WDR33: variants seen among roughly 807,000 people sequenced by gnomAD.
The protein encoded by WDR33 is WD repeat domain 33, also known as pre-mRNA 3' end processing protein WDR33.
Under a neutral mutation model 164.9 loss-of-function variants are expected in WDR33, and 47 were observed. That is an observed-to-expected ratio of 0.29 (90% CI 0.23 to 0.36). The LOEUF (loss-of-function observed/expected upper bound fraction) is 0.36, where lower values mean the gene tolerates loss of function less well. WDR33 is among the 10% of genes least tolerant of loss of function. The pLI is 1.00. For missense variants in WDR33, 1,137 were observed against 1,754.1 expected, an observed-to-expected ratio of 0.65 and a Z score of 6.28; for synonymous variants, 505 against 589.0, an observed-to-expected ratio of 0.86 and a Z score of 2.06.
rs562353425 is a variant in WDR33 at position 127,794,813 on chromosome 2, G to A, written c.-24+16199C>T. 8.5e-5 allele frequency among the ~76,000 whole-genome samples: 11 copies of A among 129,130 alleles called. No individual in the cohort carries two copies. In the East Asian group the frequency reaches 1.6e-3, roughly 19 times the overall value. The allele number at this position is 129,130 out of a possible 152,430, so 84.7% of individuals were successfully genotyped here. ...CATGCCACTGCACCCCAGCCTGGGC[G>A]ACAAAGCGAGACTCCGTTTCAAAAA... On this transcript the variant is annotated intron_variant, in intron 1 of 21. Coordinates refer to ENST00000322313, the MANE Select transcript of WDR33 (RefSeq NM_018383.5).
At position 127,738,658 on chromosome 2, in the gene WDR33, T is replaced by G. The variant is rs1474003694; in HGVS notation, c.725-11881A>C. Among the ~76,000 whole-genome samples, 3 of 152,122 alleles carry G rather than the reference T, an allele frequency of 2.0e-5. No individual in the cohort carries two copies. The highest frequency in any genetic ancestry group is 2.9e-5 in the Non-Finnish European group (2 of 68,016). On this transcript the variant is annotated intron_variant, in intron 7 of 21. Coordinates refer to ENST00000322313, the MANE Select transcript of WDR33 (RefSeq NM_018383.5). This position sits in a 1 kb window ranked among gnomAD's most constrained non-coding sequence, Gnocchi z 4.4. ...TGGCACTTTACCTGTGTGATCTTCCTCTCAAAAACCGACAATTCCCTGTCT... is the reference window on the plus strand; with the variant it reads ...TGGCACTTTACCTGTGTGATCTTCCGCTCAAAAACCGACAATTCCCTGTCT...
At chr2:127,752,765 T>C (rs903807145) in intron 7 of WDR33, among the ~76,000 whole-genome samples, 9 of 152,102 alleles carry the variant, frequency 5.9e-5, no homozygotes, top group Non-Finnish European at 1.2e-4. Flanking sequence ...ACTAGGAAAA[T>C]GTTGGACATG....
At chr2:127,788,429 C>T (rs1382690202) in intron 1 of WDR33, among the ~76,000 whole-genome samples, 1 of 130,200 alleles carries the variant, frequency 7.7e-6, no homozygotes, top group Non-Finnish European at 1.7e-5. Context: ...AGGGCTGACC[C>T]CCCCCACCTC....
intron 1 of WDR33, among the ~76,000 whole-genome samples, chr2:127,774,960 G>A (rs1458432809): frequency 6.6e-6 from 1 of 152,198 alleles, no homozygotes; most frequent in East Asian, 1.9e-4. Context: ...TAAAAGATTA[G>A]TGTTTGCCAC....
intron 7 of WDR33, among the ~76,000 whole-genome samples, chr2:127,761,165 T>C (rs1185990313): frequency 6.6e-6 from 1 of 152,200 alleles, no homozygotes; most frequent in East Asian, 1.9e-4. Flanking sequence ...CTTCAGTTAA[T>C]ACAGTCCACT....
intron 3 of WDR33, among the ~76,000 whole-genome samples, 198 bp from the exon 4 acceptor site, chr2:127,768,491 C>A (rs1175070989): frequency 6.6e-6 from 1 of 152,034 alleles, no homozygotes. Flanking sequence ...AAGTTAAATA[C>A]CCATTATTAC....
intron 1 of WDR33, among the ~76,000 whole-genome samples, chr2:127,801,779 G>A (rs1217735746): frequency 2.6e-5 from 4 of 152,144 alleles, no homozygotes; most frequent in Admixed American, 2.6e-4. Flanking sequence ...AGCTACTCGG[G>A]AGACTGAGGC....
chr2:127,731,438 T>C (rs1686706088), intron 7 of WDR33, among the ~76,000 whole-genome samples: 1 of 152,178 alleles, frequency 6.6e-6, no homozygotes, highest in South Asian at 2.1e-4. Context: ...CAAGGCCATA[T>C]GGCCATTATC....
chr2:127,705,511 T>C lies in WDR33; in HGVS notation c.*812A>G, dbSNP rs1210838319. On this transcript the variant is annotated 3_prime_UTR_variant, in exon 22 of 22. Transcript: ENST00000322313. The surrounding 1 kb of genome is among the most constrained non-coding windows in gnomAD (Gnocchi z 4.5). ...GTGATTTCAAGTTATCTAAAGGGCATGTGACTTTATTTCTGACTAACATCA... is the reference window on the plus strand; with the variant it reads ...GTGATTTCAAGTTATCTAAAGGGCACGTGACTTTATTTCTGACTAACATCA... The C allele has an allele frequency of 6.6e-6, 1 of 152,238 alleles. No homozygotes were observed. The highest frequency in any genetic ancestry group is 1.5e-5 in the Non-Finnish European group (1 of 68,038). 9.4% of individuals were successfully genotyped at this position (152,238 alleles called of 1,614,324 possible).
rs756960072 is a variant in WDR33 at position 127,720,033 on chromosome 2, CCCCTGGGGCGGG to C, written c.1980_1991del (p.Pro661_Gly664del). ...CATGCATGTCCTGAGGCCGTGGCAA[CCCCTGGGGCGGG>C]CCCTGGGGCCCCTGTGGTCCCATGA... On this transcript the variant is annotated inframe_deletion, in exon 16 of 22. Transcript: ENST00000322313. The surrounding 1 kb of genome is among the most constrained non-coding windows in gnomAD (Gnocchi z 5.9). 1.2e-6 allele frequency: 2 copies of C among 1,613,794 alleles called. No individual in the cohort carries two copies. The highest frequency in any genetic ancestry group is 1.7e-6 in the Non-Finnish European group (2 of 1,179,896).
intron 7 of WDR33, chr2:127,736,870 G>C (rs1033437220): frequency 6.1e-6 from 6 of 985,372 alleles, no homozygotes; most frequent in Non-Finnish European, 7.2e-6. Context: ...GTATAAACAG[G>C]AAAGTGCACA....
rs1328875766 is a variant in WDR33 at position 127,750,692 on chromosome 2, ATATATATATATATATATATATG to A, written c.724+12348_724+12369del. ...AAAAAAAAAAAATATATATATATAT[ATATATATATATATATATATATG>A]TATGTATGCATACATATATATGTAT... On this transcript the variant is annotated intron_variant, in intron 7 of 21. Coordinates refer to ENST00000322313, the MANE Select transcript of WDR33 (RefSeq NM_018383.5). Among the ~76,000 whole-genome samples, 136 of 57,792 alleles carry A rather than the reference ATATATATATATATATATATATG, an allele frequency of 2.4e-3. 6 individuals carry two copies. Among genetic ancestry groups the A allele is most frequent in the African/African-American group, 0.011 (116 of 10,552 alleles). The allele number at this position is 57,792 out of a possible 152,430, so 37.9% of individuals were successfully genotyped here.
At chr2:127,761,257 G>A (rs963494965) in intron 7 of WDR33, among the ~76,000 whole-genome samples, 20 of 151,852 alleles carry the variant, frequency 1.3e-4, no homozygotes, top group African/African-American at 4.6e-4. Context: ...CTGAAGTGCA[G>A]TGGTGCAAAC....
intron 7 of WDR33, among the ~76,000 whole-genome samples, chr2:127,750,650 TAAAAAAAAAAAAA>T (rs1174539929): frequency 9.4e-4 from 14 of 14,960 alleles, no homozygotes; most frequent in South Asian, 5.8e-3. Flanking sequence ...AACTCCATCT[TAAAAAAAAAAAAA>T]AAAAAAAAAA....
intron 1 of WDR33, among the ~76,000 whole-genome samples, chr2:127,800,555 T>C (rs1027802827): frequency 6.8e-6 from 1 of 148,062 alleles, no homozygotes; most frequent in Admixed American, 6.9e-5. Flanking sequence ...GAGAATGGCA[T>C]GAACCCAGGA....
chr2:127,777,738 G>C (rs1181135321), intron 1 of WDR33, among the ~76,000 whole-genome samples: 1 of 151,316 alleles, frequency 6.6e-6, no homozygotes, highest in African/African-American at 2.4e-5. Context: ...AGCCTCCCAA[G>C]TATGTGGGAC....
At chr2:127,759,638 C>T (rs1287362589) in intron 7 of WDR33, among the ~76,000 whole-genome samples, 1 of 152,112 alleles carries the variant, frequency 6.6e-6, no homozygotes, top group East Asian at 1.9e-4. Context: ...TTGCAGTGAG[C>T]CAAGATCACA....
chr2:127,701,581 G>C lies in WDR33; in HGVS notation c.*4742C>G. The C allele has an allele frequency of 7.5e-7, 1 of 1,338,126 alleles. No individual in the cohort carries two copies. Among genetic ancestry groups the C allele is most frequent in the Non-Finnish European group, 9.6e-7 (1 of 1,038,898 alleles). The allele number at this position is 1,338,126 out of a possible 1,614,324, so 82.9% of individuals were successfully genotyped here. A position where few individuals can be genotyped will look rare whatever the true frequency, so the allele number is the denominator to read the frequency against. Reference sequence around the variant, plus strand: ...GAGTACCTGGCGCAGGGGAAAGCTGGCGGCCCGGCGGCCGCGGAGCCGCTG... The same window carrying C: ...GAGTACCTGGCGCAGGGGAAAGCTGCCGGCCCGGCGGCCGCGGAGCCGCTG... On this transcript the variant is annotated 3_prime_UTR_variant, in exon 22 of 22. Transcript: ENST00000322313.
chr2:127,772,124 TGGCC>T, intron 1 of WDR33, among the ~76,000 whole-genome samples: 1 of 149,050 alleles, frequency 6.7e-6, no homozygotes, highest in Non-Finnish European at 1.5e-5. Context: ...CCACCAAGCC[TGGCC>T]TTACATTTTT....
Sources: allele counts gnomAD v4.1 joint callset (sites outside exome capture counted in the v4.1 genomes callset), GRCh38; gene constraint gnomAD v4.1.1; non-coding constraint Gnocchi (gnomAD v3.1); transcripts MANE v1.5; gene names NCBI Gene and HGNC (gene_info 2026-07-23, HGNC 2026-07-21).